Variants in FHIT observed in about 807,000 individuals in gnomAD.
The protein encoded by FHIT is bis(5'-adenosyl)-triphosphatase.
FHIT carries 19 observed loss-of-function variants against 17.9 expected under a neutral mutation model. The ratio of observed to expected loss-of-function variants is 1.06; its 90% CI spans 0.74 to 1.56. The LOEUF is 1.56. Ranked by LOEUF, FHIT falls within the 40% of genes most tolerant of loss-of-function variation. FHIT has a pLI of 0.00. For missense variants in FHIT, 248 were observed against 189.2 expected, an observed-to-expected ratio of 1.31 and a Z score of -1.82; for synonymous variants, 81 against 69.7, an observed-to-expected ratio of 1.16 and a Z score of -0.81.
intron 8 of FHIT, among the ~76,000 whole-genome samples, chr3:59,790,490 TTCTC>T (rs957122236): frequency 8.8e-4 from 131 of 148,064 alleles, no homozygotes; most frequent in East Asian, 5.1e-3. Context: ...TGTTCATTGC[TTCTC>T]TCTCTCTCTC....
At chr3:60,920,891 G>A (rs1360666098) in intron 3 of FHIT, among the ~76,000 whole-genome samples, 2 of 152,040 alleles carry the variant, frequency 1.3e-5, no homozygotes, top group East Asian at 3.9e-4. Context: ...TTGAGTTAAG[G>A]ACTGAACAAG....
At chr3:60,921,291 T>A (rs1019546190) in intron 3 of FHIT, among the ~76,000 whole-genome samples, 1 of 152,200 alleles carries the variant, frequency 6.6e-6, no homozygotes, top group Non-Finnish European at 1.5e-5. Flanking sequence ...TATGCTGGTA[T>A]TGTATAGCTT....
chr3:60,340,308 A>G (rs143222578), intron 5 of FHIT, among the ~76,000 whole-genome samples: 1 of 152,324 alleles, frequency 6.6e-6, no homozygotes, highest in East Asian at 1.9e-4. Flanking sequence ...AGAAAAACAT[A>G]TGGCTTTCTT....
intron 3 of FHIT, among the ~76,000 whole-genome samples, chr3:60,987,216 G>A (rs1245290214): frequency 6.6e-6 from 1 of 152,160 alleles, no homozygotes; most frequent in Non-Finnish European, 1.5e-5. Context: ...CTAATGTTGG[G>A]AGCAGGCCCC....
intron 2 of FHIT, among the ~76,000 whole-genome samples, chr3:61,061,854 C>T (rs1192730973): frequency 2.0e-5 from 3 of 152,150 alleles, no homozygotes; most frequent in Non-Finnish European, 4.4e-5. Flanking sequence ...CATCCCTCTA[C>T]CCTCATATCC....
Position 60,958,301 on chromosome 3 carries a change from A to T in FHIT, c.-111+83746T>A, listed in dbSNP as rs141190958. On this transcript the variant is annotated intron_variant, in intron 3 of 9. Transcript: ENST00000492590. Reference sequence around the variant, plus strand: ...CTCTACCTAGACATAAAACCCATATATTTAAACTTATGAGAAATCTGGAGA... The same window carrying T: ...CTCTACCTAGACATAAAACCCATATTTTTAAACTTATGAGAAATCTGGAGA... Among the ~76,000 whole-genome samples, 373 of 152,322 alleles carry T rather than the reference A, an allele frequency of 2.4e-3. 1 individual carries two copies. The highest frequency in any genetic ancestry group is 8.3e-3 in the African/African-American group (346 of 41,576).
intron 2 of FHIT, among the ~76,000 whole-genome samples, chr3:61,080,445 C>A: frequency 6.6e-6 from 1 of 151,534 alleles, no homozygotes; most frequent in African/African-American, 2.4e-5. Context: ...AGCCAAAATG[C>A]AGAGATGAAA....
intron 5 of FHIT, among the ~76,000 whole-genome samples, chr3:60,209,468 A>G (rs1453205377): frequency 2.0e-5 from 3 of 152,102 alleles, no homozygotes; most frequent in African/African-American, 7.2e-5. Flanking sequence ...TCCTCTCACC[A>G]TCTCACCATC....
chr3:60,925,247 C>A (rs1346236907), intron 3 of FHIT, among the ~76,000 whole-genome samples: 1 of 152,086 alleles, frequency 6.6e-6, no homozygotes, highest in African/African-American at 2.4e-5. Flanking sequence ...AACTCCAAGA[C>A]ACATAATTGT....
chr3:59,950,046 T>C (rs1707036668), intron 7 of FHIT, among the ~76,000 whole-genome samples: 1 of 152,186 alleles, frequency 6.6e-6, no homozygotes, highest in African/African-American at 2.4e-5. Context: ...GGGTCAATTC[T>C]AGCCCTGCTT....
At chr3:60,036,819 G>T (rs1701237291) in intron 5 of FHIT, among the ~76,000 whole-genome samples, 1 of 152,092 alleles carries the variant, frequency 6.6e-6, no homozygotes, top group African/African-American at 2.4e-5. Flanking sequence ...GACACATTGG[G>T]CCATATCCTA....
intron 4 of FHIT, among the ~76,000 whole-genome samples, chr3:60,607,244 A>T (rs915532688): frequency 1.2e-4 from 18 of 152,126 alleles, no homozygotes; most frequent in Admixed American, 1.1e-3. Flanking sequence ...CTAGAATAAT[A>T]TAAATTTTCA....
chr3:60,185,539 G>T (rs760004422), intron 5 of FHIT, among the ~76,000 whole-genome samples: 28 of 152,112 alleles, frequency 1.8e-4, no homozygotes, highest in Non-Finnish European at 3.8e-4. Context: ...CATTTTGGTT[G>T]TTTCCAGTTT....
chr3:60,472,838 G>C (rs1387336896), intron 5 of FHIT, among the ~76,000 whole-genome samples: 1 of 152,098 alleles, frequency 6.6e-6, no homozygotes, highest in Non-Finnish European at 1.5e-5. Context: ...AACCAAGTTG[G>C]GGGTGGGGGT....
At position 60,569,750 on chromosome 3, in the gene FHIT, T is replaced by TACAC. The variant is rs1559547741; in HGVS notation, c.-17-32772_-17-32771insGTGT. Among the ~76,000 whole-genome samples, 21 of 46,424 alleles carry TACAC rather than the reference T, an allele frequency of 4.5e-4. No homozygotes were observed. The East Asian group carries it at 0.015, about 34-fold the overall frequency. The allele number at this position is 46,424 out of a possible 152,430, so 30.5% of individuals were successfully genotyped here. ...CTATATATATATATATATATATATA[T>TACAC]ATATATTTTTTTTTTTTTTAGACAG... On this transcript the variant is annotated intron_variant, in intron 4 of 9. Coordinates refer to ENST00000492590, the MANE Select transcript of FHIT (RefSeq NM_002012.4).
rs1319975570 is a variant in FHIT, at chr3:60,830,512, T to C, written c.-110-8501A>G. 2.0e-5 allele frequency among the ~76,000 whole-genome samples: 3 copies of C among 152,286 alleles called. No individual in the cohort carries two copies. In the East Asian group the frequency reaches 5.8e-4, roughly 29 times the overall value. ...ATATTTACCTTTCTTATTCTGGTGC[T>C]AGTAAAAATAAGAGAAATGTCACAA... On this transcript the variant is annotated intron_variant, in intron 3 of 9. Coordinates refer to ENST00000492590, the MANE Select transcript of FHIT (RefSeq NM_002012.4).
intron 7 of FHIT, among the ~76,000 whole-genome samples, 170 bp downstream of exon 7, chr3:60,011,201 T>C (rs4679626): frequency 0.38 from 58,563 of 152,186 alleles, 13,637 homozygotes; most frequent in Non-Finnish European, 0.51. Context: ...GGAAACATAT[T>C]GTTTGGCAGA....
intron 5 of FHIT, among the ~76,000 whole-genome samples, chr3:60,336,328 C>T (rs149025426): frequency 6.6e-6 from 1 of 152,222 alleles, no homozygotes; most frequent in Non-Finnish European, 1.5e-5. Context: ...AAGTCTCAGA[C>T]AGGTGAGCGC....
intron 1 of FHIT, among the ~76,000 whole-genome samples, chr3:61,234,544 C>T (rs1282671059): frequency 6.6e-6 from 1 of 151,978 alleles, no homozygotes; most frequent in East Asian, 1.9e-4. Flanking sequence ...AGAAAACTAA[C>T]AGAACAAATA....
Sources: allele counts gnomAD v4.1 joint callset (sites outside exome capture counted in the v4.1 genomes callset), GRCh38; gene constraint gnomAD v4.1.1; transcripts MANE v1.5; gene names NCBI Gene and HGNC (gene_info 2026-07-23, HGNC 2026-07-21).